SDK1: variants seen among roughly 807,000 people sequenced by gnomAD.
SDK1 encodes protein sidekick-1.
A neutral mutation model predicts 245.5 loss-of-function variants in SDK1; 157 were observed. The observed-to-expected ratio is 0.64, with a 90% CI of 0.56 to 0.73. SDK1 has a LOEUF of 0.73. Among genes scored for constraint, SDK1 ranks in the 30% least tolerant of loss-of-function variants. The pLI, the probability that SDK1 is intolerant of heterozygous loss-of-function variation, is 0.00. For synonymous variants in SDK1, 1,647 were observed against 1,278.5 expected (o/e 1.29, Z -6.15); for missense variants, 3,583 against 3,002.3 (o/e 1.19, Z -4.52).
At chr7:3,418,632 A>T (rs944966870) in intron 1 of SDK1, among the ~76,000 whole-genome samples, 3 of 152,206 alleles carry the variant, frequency 2.0e-5, no homozygotes, top group African/African-American at 7.2e-5. Context: ...TCTTCCTATA[A>T]TGGAACTGGC....
intron 13 of SDK1, among the ~76,000 whole-genome samples, chr7:3,985,446 C>T (rs1783746051): frequency 1.3e-5 from 2 of 152,168 alleles, no homozygotes. Flanking sequence ...TGATAACTGG[C>T]ATTTCCGCCT....
chr7:3,863,004 G>C (rs191010921), intron 5 of SDK1, among the ~76,000 whole-genome samples: 378 of 152,288 alleles, frequency 2.5e-3, no homozygotes, highest in African/African-American at 8.3e-3. Flanking sequence ...TCACTCACCA[G>C]CAGCTCGCCT....
At position 3,685,177 on chromosome 7, in the gene SDK1, C is replaced by G. The variant is rs139216490; in HGVS notation, c.713+43072C>G. On this transcript the variant is annotated intron_variant, in intron 4 of 44. Transcript: ENST00000404826. ...TAGGATAAATGCAAATAAATTTATA[C>G]CAAGACACATCATAAATAAACTTGT... 4.4e-3 allele frequency among the ~76,000 whole-genome samples: 657 copies of G among 149,786 alleles called. 9 individuals are homozygous for G. The highest frequency in any genetic ancestry group is 0.016 in the African/African-American group (633 of 40,590).
intron 5 of SDK1, among the ~76,000 whole-genome samples, chr7:3,843,086 T>A (rs542813234): frequency 1.3e-5 from 2 of 152,224 alleles, no homozygotes; most frequent in African/African-American, 4.8e-5. Flanking sequence ...ATTAGAGGAA[T>A]GTCAGCGGCT....
At chr7:4,103,474 G>T (rs191183440) in intron 22 of SDK1, among the ~76,000 whole-genome samples, 64 of 152,316 alleles carry the variant, frequency 4.2e-4, no homozygotes, top group Non-Finnish European at 8.2e-4. Flanking sequence ...CACGAAAAAA[G>T]AGTCCTGGTC....
At chr7:3,416,260 A>C (rs1779362370) in intron 1 of SDK1, among the ~76,000 whole-genome samples, 1 of 152,114 alleles carries the variant, frequency 6.6e-6, no homozygotes, top group Non-Finnish European at 1.5e-5. Context: ...AGGAAGTCAT[A>C]TTACTAAAAG....
intron 1 of SDK1, among the ~76,000 whole-genome samples, chr7:3,331,936 A>G (rs1269061062): frequency 6.6e-6 from 1 of 152,238 alleles, no homozygotes; most frequent in Non-Finnish European, 1.5e-5. Flanking sequence ...TATGGTAAAC[A>G]TTAGTTACTG....
intron 5 of SDK1, among the ~76,000 whole-genome samples, chr7:3,944,476 G>A (rs191623039): frequency 5.9e-5 from 9 of 152,240 alleles, no homozygotes; most frequent in South Asian, 2.1e-4. Flanking sequence ...TAATAGTAGC[G>A]GTGGCTCTTA....
chr7:3,625,007 C>G (rs1253189650), intron 2 of SDK1, among the ~76,000 whole-genome samples: 3 of 152,064 alleles, frequency 2.0e-5, no homozygotes, highest in Admixed American at 6.5e-5. Context: ...CCATTGCACT[C>G]CAGCCTGGGC....
At chr7:3,934,229 C>T (rs1194170777) in intron 5 of SDK1, among the ~76,000 whole-genome samples, 1 of 152,254 alleles carries the variant, frequency 6.6e-6, no homozygotes, top group African/African-American at 2.4e-5. Context: ...TTTCAAGATA[C>T]ACTTTCTGAA....
intron 4 of SDK1, among the ~76,000 whole-genome samples, chr7:3,765,056 C>G (rs1170233282): frequency 2.0e-5 from 3 of 151,816 alleles, no homozygotes; most frequent in Non-Finnish European, 4.4e-5. Context: ...TAAAACAAAA[C>G]TTTTTGGTTT....
intron 5 of SDK1, among the ~76,000 whole-genome samples, chr7:3,927,286 T>C (rs915586453): frequency 6.6e-6 from 1 of 152,206 alleles, no homozygotes; most frequent in Non-Finnish European, 1.5e-5. Context: ...AAATAGAATT[T>C]TTTTTTTAAA....
At chr7:3,630,867 A>AC (rs1294475428) in intron 2 of SDK1, among the ~76,000 whole-genome samples, 1 of 151,936 alleles carries the variant, frequency 6.6e-6, no homozygotes, top group African/African-American at 2.4e-5. Flanking sequence ...TAGGCCCGAG[A>AC]CCCTGAGACA....
At chr7:3,377,801 CAG>C (rs1198134582) in intron 1 of SDK1, among the ~76,000 whole-genome samples, 3 of 152,064 alleles carry the variant, frequency 2.0e-5, no homozygotes, top group African/African-American at 7.2e-5. Context: ...TTTTTGGAGA[CAG>C]AGTCTCACTC....
At chr7:3,579,015 A>G (rs1780397716) in intron 1 of SDK1, among the ~76,000 whole-genome samples, 1 of 151,896 alleles carries the variant, frequency 6.6e-6, no homozygotes, top group South Asian at 2.1e-4. Flanking sequence ...TGTCCTTGAA[A>G]TCTTCACAAT....
intron 1 of SDK1, among the ~76,000 whole-genome samples, chr7:3,564,032 A>C (rs1305390276): frequency 2.6e-5 from 4 of 152,134 alleles, no homozygotes; most frequent in Non-Finnish European, 4.4e-5. Flanking sequence ...GATTTGTAGG[A>C]TGTAGTTCAA....
chr7:4,198,433 C>G (rs1048679803), intron 35 of SDK1, among the ~76,000 whole-genome samples: 3 of 152,246 alleles, frequency 2.0e-5, no homozygotes, highest in African/African-American at 7.2e-5. Context: ...CAGTCAAGGC[C>G]TCTGCTCTCA....
chr7:3,356,634 T>C (rs536812033), intron 1 of SDK1, among the ~76,000 whole-genome samples: 1 of 152,356 alleles, frequency 6.6e-6, no homozygotes, highest in Non-Finnish European at 1.5e-5. Flanking sequence ...TTGTCTGTAA[T>C]TGTTTGTTAC....
At chr7:3,799,661 C>T (rs56863187) in intron 4 of SDK1, among the ~76,000 whole-genome samples, 22,546 of 146,712 alleles carry the variant, frequency 0.15, 1,856 homozygotes, top group Middle Eastern at 0.3. Flanking sequence ...GCCAAAATCG[C>T]GCCACTGCAC....
Sources: gnomAD v4.1 joint callset for allele counts (sites outside exome capture counted in the v4.1 genomes callset) on GRCh38, gnomAD v4.1.1 for gene constraint, MANE v1.5 for transcripts, NCBI Gene and HGNC (gene_info 2026-07-23, HGNC 2026-07-21) for gene names.